Variants in GAK observed in about 807,000 individuals in gnomAD.
GAK encodes cyclin-G-associated kinase.
In GAK, 79 loss-of-function variants were observed where a neutral mutation model predicts 143.9. The ratio of observed to expected loss-of-function variants is 0.55; its 90% CI spans 0.46 to 0.66. The LOEUF (loss-of-function observed/expected upper bound fraction) is 0.66, where lower values mean the gene tolerates loss of function less well. Among genes scored for constraint, GAK ranks in the 30% least tolerant of loss-of-function variants. The probability of loss-of-function intolerance (pLI) is 0.00; values close to 1 mark genes in which losing one functional copy is unlikely to be tolerated. For synonymous variants in GAK, 881 were observed against 765.5 expected, an observed-to-expected ratio of 1.15 and a Z score of -2.49; for missense variants, 1,693 against 1,779.7, an observed-to-expected ratio of 0.95 and a Z score of 0.88.
rs1026240699 is a variant in GAK at position 893,901 on chromosome 4, G to A, written c.850C>T (p.Gln284Ter). The change falls in exon 8 of 28, where the codon CAG becomes TAG. Residue 284 changes from glutamine (Q) to a stop codon, truncating the protein, a stop_gained. Transcript: ENST00000314167. LOFTEE classifies it high-confidence loss of function. ...ATGAGGCTGTGGAAGACCGTGTACT[G>A]CGTGTCGTGCGGGGGGATCGAGTAC... ...GKYSIPPHDT[Q>*]YTVFHSLIRA... The A allele has an allele frequency of 6.2e-7, 1 of 1,609,198 alleles. No individual in the cohort carries two copies.
intron 5 of GAK, among the ~76,000 whole-genome samples, chr4:902,231 C>T (rs1430978780): frequency 1.3e-4 from 19 of 146,706 alleles, no homozygotes; most frequent in Non-Finnish European, 1.3e-4. Flanking sequence ...AGCAAGACTC[C>T]GCCTAAAAAA....
Position 849,438 on chromosome 4 carries a change from C to T in GAK, c.*235G>A, listed in dbSNP as rs563945031. On this transcript the variant is annotated 3_prime_UTR_variant, in exon 28 of 28. Transcript: ENST00000314167. ...AAATAAATCACAGACGTGACAATTG[C>T]GGGAGGAGCATGAATCAGCTGTTCC... 1.9e-4 allele frequency: 106 copies of T among 560,052 alleles called. No homozygotes were observed. The highest frequency in any genetic ancestry group is 3.1e-4 in the Non-Finnish European group (95 of 311,232). The allele number at this position is 560,052 out of a possible 1,614,324, so 34.7% of individuals were successfully genotyped here.
At position 882,771 on chromosome 4, in the gene GAK, G is replaced by A. The variant is rs1317447348; in HGVS notation, c.1453C>T (p.Leu485=). 1.6e-5 allele frequency: 25 copies of A among 1,611,684 alleles called. No homozygotes were observed. The highest frequency in any genetic ancestry group is 2.1e-5 in the Non-Finnish European group (25 of 1,179,948). The part of the protein sequence containing the change: ...AARRAPHLHT[L]YNICRNMHAW... ...TGCATGTTCCTGCAGATGTTGTACAGGGTGTGCAGGTGTGGGGCCCGCCGT... is the reference window on the plus strand; with the variant it reads ...TGCATGTTCCTGCAGATGTTGTACAAGGTGTGCAGGTGTGGGGCCCGCCGT... Residue 485 remains leucine, a synonymous_variant, in exon 14 of 28, where the codon CTG becomes TTG. Transcript: ENST00000314167.
chr4:849,834 A>ACCCCCCCCCCCCCC (rs33919242), intron 27 of GAK, 58 bp downstream of exon 27: 23 of 948,352 alleles, frequency 2.4e-5, no homozygotes, highest in South Asian at 7.4e-5. Context: ...GCGGGGCAGG[A>ACCCCCCCCCCCCCC]CCCCCCCCCC....
At chr4:851,392 A>G in intron 25 of GAK, 1 of 469,690 alleles carries the variant, frequency 2.1e-6, no homozygotes, top group Non-Finnish European at 3.8e-6. Flanking sequence ...CACAAAGCCC[A>G]GTTAAGAACA....
At chr4:894,046 G>A (rs750248627) in intron 7 of GAK, 37 bp from the exon 8 acceptor site, 6 of 1,526,088 alleles carry the variant, frequency 3.9e-6, no homozygotes, top group Non-Finnish European at 4.4e-6. Context: ...AGGCCCACGG[G>A]GAGCGCAGGG....
intron 18 of GAK, among the ~76,000 whole-genome samples, chr4:873,940 A>G (rs762862156): frequency 6.6e-6 from 1 of 152,118 alleles, no homozygotes; most frequent in African/African-American, 2.4e-5. Flanking sequence ...GCTGTTTTCT[A>G]TCTATATCCC....
chr4:881,133 C>T (rs925269653), intron 15 of GAK, among the ~76,000 whole-genome samples: 1 of 152,226 alleles, frequency 6.6e-6, no homozygotes, highest in Non-Finnish European at 1.5e-5. Context: ...ACAGGCTGTG[C>T]GCCCCATCCA....
At chr4:876,641 G>A in intron 17 of GAK, 32 bp from the exon 18 acceptor site, 1 of 1,592,766 alleles carries the variant, frequency 6.3e-7, no homozygotes. Context: ...CACCCCACGT[G>A]GAGGGTGAAT....
At chr4:874,357 G>A (rs1713374165) in intron 18 of GAK, among the ~76,000 whole-genome samples, 1 of 152,184 alleles carries the variant, frequency 6.6e-6, no homozygotes, top group South Asian at 2.1e-4. Context: ...CTAGGCTGCA[G>A]GCTTTGCAGG....
At position 851,584 on chromosome 4, in the gene GAK, G is replaced by A; in HGVS notation, c.3508+166C>T. The A allele has an allele frequency of 4.4e-6, 3 of 677,776 alleles. No individual in the cohort carries two copies. In the Admixed American group the frequency reaches 7.8e-5, roughly 18 times the overall value. The allele number at this position is 677,776 out of a possible 1,614,324, so 42.0% of individuals were successfully genotyped here. A position where few individuals can be genotyped will look rare whatever the true frequency, so the allele number is the denominator to read the frequency against. ...GAGGGACCCAGAGGCCTGACCCAGA[G>A]AGAGACCAGTGAACACACATCGGAA... is the stretch of plus-strand genomic sequence containing the variant. On this transcript the variant is annotated intron_variant, in intron 25 of 27. Transcript: ENST00000314167.
At position 912,743 on chromosome 4, in the gene GAK, A is replaced by G; in HGVS notation, c.259T>C (p.Cys87Arg). The G allele has an allele frequency of 6.2e-7, 1 of 1,613,662 alleles. No homozygotes were observed. The highest frequency in any genetic ancestry group is 1.7e-5 in the Admixed American group (1 of 60,002). ...TTCCAGGAAAAGGATACCATGAAGC[A>G]AACTTCTTGAATGATGGCTCTGTTC... ...EKNRAIIQEV[C>R]FMKKLSGHPN... The change falls in exon 3 of 28, where the codon TGC becomes CGC. Residue 87 changes from cysteine to arginine, a missense_variant. By Grantham distance (180) the Cys-to-Arg change is radical. Transcript: ENST00000314167.
At chr4:875,168 C>G (rs1280218968) in intron 18 of GAK, among the ~76,000 whole-genome samples, 1 of 152,236 alleles carries the variant, frequency 6.6e-6, no homozygotes, top group Non-Finnish European at 1.5e-5. Flanking sequence ...TCCTCTTCAT[C>G]ATCAGTACCT....
chr4:905,494 C>T (rs557441417), intron 4 of GAK, among the ~76,000 whole-genome samples: 8 of 151,382 alleles, frequency 5.3e-5, no homozygotes, highest in South Asian at 2.1e-4. Flanking sequence ...GACTCCGCCA[C>T]GCCCCATGCC....
intron 4 of GAK, among the ~76,000 whole-genome samples, chr4:905,774 A>C (rs1263357708): frequency 6.6e-6 from 1 of 152,078 alleles, no homozygotes; most frequent in Non-Finnish European, 1.5e-5. Context: ...ACGCCACCAC[A>C]CCAGGCCACG....
chr4:881,187 C>T (rs1463949355), intron 15 of GAK, among the ~76,000 whole-genome samples: 3 of 152,200 alleles, frequency 2.0e-5, no homozygotes, highest in African/African-American at 7.2e-5. Flanking sequence ...TGGGTCCCTC[C>T]TCTTCCCTCC....
intron 18 of GAK, among the ~76,000 whole-genome samples, chr4:871,900 G>C (rs773680881): frequency 2.0e-5 from 3 of 152,314 alleles, no homozygotes; most frequent in Admixed American, 6.5e-5. Flanking sequence ...CGGGCAGCAG[G>C]CTCCCCATGC....
At chr4:883,235 CA>C in intron 13 of GAK, 79 bp downstream of exon 13, 1 of 1,537,260 alleles carries the variant, frequency 6.5e-7, no homozygotes, top group Non-Finnish European at 8.8e-7. Context: ...CCACCCTGGC[CA>C]AAGCCCTCAG....
At chr4:900,414 A>C (rs1197288126) in intron 5 of GAK, among the ~76,000 whole-genome samples, 1 of 152,240 alleles carries the variant, frequency 6.6e-6, no homozygotes, top group Non-Finnish European at 1.5e-5. Flanking sequence ...GAGCAGCAGC[A>C]AGGCCAGTGC....
Sources: gnomAD v4.1 joint callset for allele counts (sites outside exome capture counted in the v4.1 genomes callset) on GRCh38, gnomAD v4.1.1 for gene constraint, MANE v1.5 for transcripts, NCBI Gene and HGNC (gene_info 2026-07-23, HGNC 2026-07-21) for gene names.